The following PTPRZ1 variants were observed in gnomAD, a reference collection of about 807,000 sequenced individuals.
The protein encoded by PTPRZ1 is protein tyrosine phosphatase receptor type Z1.
PTPRZ1 carries 82 observed loss-of-function variants against 214.1 expected under a neutral mutation model. The observed-to-expected ratio is 0.38, with a 90% CI of 0.32 to 0.46. The LOEUF is 0.46. PTPRZ1 is among the 20% of genes least tolerant of loss of function. PTPRZ1 has a pLI of 1.00. For synonymous variants in PTPRZ1, 945 were observed against 987.9 expected, an observed-to-expected ratio of 0.96 and a Z score of 0.81; for missense variants, 2,603 against 2,748.7, an observed-to-expected ratio of 0.95 and a Z score of 1.19.
intron 1 of PTPRZ1, 143 bp downstream of exon 1, chr7:121,873,700 C>A (rs1793958358): frequency 2.0e-6 from 2 of 1,012,400 alleles, no homozygotes; most frequent in Admixed American, 2.1e-5. Context: ...TCCCACGGAG[C>A]GGGCGGCCGC....
At chr7:122,038,307 C>G (rs553186199) in intron 18 of PTPRZ1, among the ~76,000 whole-genome samples, 1 of 152,036 alleles carries the variant, frequency 6.6e-6, no homozygotes, top group Non-Finnish European at 1.5e-5. Flanking sequence ...CTTCTCAGCA[C>G]GTTGAAGTAG....
At chr7:122,031,423 G>A (rs374236623) in intron 14 of PTPRZ1, 51 bp from the exon 15 acceptor site, 32 of 1,311,942 alleles carry the variant, frequency 2.4e-5, no homozygotes, top group African/African-American at 5.8e-5. Context: ...TGATAGGTAC[G>A]TTTATTTCTG....
In PTPRZ1 at chr7:122,051,375, A is replaced by G. The variant is rs1792178350; in HGVS notation, c.6085-53A>G. ...TCTGTATGTATGTGTGTGTGTGTGT[A>G]TTTGGGGGACTTAAATGAAATAACC... On this transcript the variant is annotated intron_variant, in intron 23 of 29. Transcript: ENST00000393386. The G allele has an allele frequency of 4.7e-6, 6 of 1,282,082 alleles. No individual in the cohort carries two copies. In the South Asian group the frequency reaches 6.1e-5, roughly 13 times the overall value. 79.4% of individuals were successfully genotyped at this position (1,282,082 alleles called of 1,614,324 possible).
intron 1 of PTPRZ1, among the ~76,000 whole-genome samples, chr7:121,889,791 C>G (rs528880757): frequency 6.6e-6 from 1 of 152,258 alleles, no homozygotes; most frequent in South Asian, 2.1e-4. Flanking sequence ...TCACCAGTGC[C>G]TTTGACGTTG....
chr7:122,009,810 A>C (rs555374005), intron 11 of PTPRZ1, among the ~76,000 whole-genome samples: 29 of 152,242 alleles, frequency 1.9e-4, no homozygotes, highest in Non-Finnish European at 3.5e-4. Flanking sequence ...AAAGAAAACC[A>C]AACACCTCTT....
chr7:122,010,193 G>A (rs1309853419), intron 11 of PTPRZ1, 141 bp from the exon 12 acceptor site: 1 of 753,582 alleles, frequency 1.3e-6, no homozygotes, highest in Non-Finnish European at 2.1e-6. Flanking sequence ...TAGGTTAGAG[G>A]TATGCATTGT....
intron 2 of PTPRZ1, among the ~76,000 whole-genome samples, chr7:121,931,409 G>C (rs183196220): frequency 3.4e-4 from 51 of 152,224 alleles, no homozygotes; most frequent in African/African-American, 1.1e-3. Flanking sequence ...TACCAAGTAT[G>C]TATGAGTAAA....
rs76936460 is a variant in PTPRZ1 at position 121,946,826 on chromosome 7, C to T, written c.124+18605C>T. Among the ~76,000 whole-genome samples, 941 of 152,132 alleles carry T rather than the reference C, an allele frequency of 6.2e-3. 8 individuals carry two copies. The highest frequency in any genetic ancestry group is 0.021 in the African/African-American group (868 of 41,522). On this transcript the variant is annotated intron_variant, in intron 2 of 29. Transcript: ENST00000393386. The stretch of plus-strand genomic sequence containing the variant: ...GAAGAAAAGAGCATATTTTTTGTGA[C>T]GTTTCTAATAAAAATGCATAACCTG...
intron 5 of PTPRZ1, 109 bp from the exon 6 acceptor site, chr7:121,976,676 T>C (rs1797445390): frequency 2.3e-6 from 2 of 884,628 alleles, no homozygotes; most frequent in Non-Finnish European, 3.3e-6. Context: ...TGGAACTTAC[T>C]ATTTTTTAAT....
chr7:121,915,281 C>T (rs1242002575), intron 1 of PTPRZ1, among the ~76,000 whole-genome samples: 1 of 152,176 alleles, frequency 6.6e-6, no homozygotes, highest in Non-Finnish European at 1.5e-5. Flanking sequence ...TGCATAGCCT[C>T]AAGGGGTCTG....
intron 13 of PTPRZ1, among the ~76,000 whole-genome samples, chr7:122,026,860 C>T (rs1391345811): frequency 6.6e-6 from 1 of 152,114 alleles, no homozygotes; most frequent in Non-Finnish European, 1.5e-5. Flanking sequence ...TTACACCACT[C>T]CTACTTATAG....
At position 122,013,021 on chromosome 7, in the gene PTPRZ1, A is replaced by G; in HGVS notation, c.3975A>G (p.Thr1325=). ...TATCAATTGATGAACCATTAAATAC[A>G]CTAATAAATAAGCTTATACATTCCG... ...PVLSIDEPLN[T]LINKLIHSDE... is the part of the protein sequence containing the mutation. The change falls in exon 12 of 30, where the codon ACA becomes ACG. Residue 1325 remains threonine (T), a synonymous_variant. Coordinates refer to ENST00000393386, the MANE Select transcript of PTPRZ1 (RefSeq NM_002851.3). 1 of 1,614,134 alleles carries G rather than the reference A, an allele frequency of 6.2e-7. No homozygotes were observed. Among genetic ancestry groups the G allele is most frequent in the Non-Finnish European group, 8.5e-7 (1 of 1,179,940 alleles).
intron 2 of PTPRZ1, among the ~76,000 whole-genome samples, chr7:121,958,123 T>C (rs531361921): frequency 5.6e-4 from 85 of 152,294 alleles, no homozygotes; most frequent in South Asian, 1.0e-3. Flanking sequence ...CCTTCTTTCG[T>C]TCACAGCAAA....
chr7:121,885,882 G>C (rs1337225974), intron 1 of PTPRZ1, among the ~76,000 whole-genome samples: 1 of 152,082 alleles, frequency 6.6e-6, no homozygotes, highest in African/African-American at 2.4e-5. Flanking sequence ...AGACTTGATG[G>C]CATTCAGGCA....
intron 27 of PTPRZ1, among the ~76,000 whole-genome samples, chr7:122,057,868 C>G (rs947178062): frequency 6.6e-6 from 1 of 151,268 alleles, no homozygotes; most frequent in Non-Finnish European, 1.5e-5. Flanking sequence ...GACAAGGGTT[C>G]GGTTTCATTA....
Position 121,972,641 on chromosome 7 carries a change from GT to G in PTPRZ1, c.406del (p.Ser136HisfsTer9). ...CTTTTCACTGGGGAAAATGCAATAT[GT>G]CATCTGATGGATCAGAGCATAGTTT... ...ITFHWGKCNM[S>X]SDGSEHSLEG... On this transcript the variant is annotated frameshift_variant, in exon 4 of 30. Coordinates refer to ENST00000393386, the MANE Select transcript of PTPRZ1 (RefSeq NM_002851.3). LOFTEE classifies it high-confidence loss of function. 1 of 1,613,464 alleles carries G rather than the reference GT, an allele frequency of 6.2e-7. No homozygotes were observed. The highest frequency in any genetic ancestry group is 1.1e-5 in the South Asian group (1 of 90,980).
Position 122,059,795 on chromosome 7 carries a change from C to A in PTPRZ1, c.6714C>A (p.Thr2238=), listed in dbSNP as rs1053218112. 1 of 1,613,222 alleles carries A rather than the reference C, an allele frequency of 6.2e-7. No individual in the cohort carries two copies. The highest frequency in any genetic ancestry group is 1.3e-5 in the African/African-American group (1 of 74,856). Residue 2238 remains threonine, a synonymous_variant, in exon 29 of 30, where the codon ACC becomes ACA. Coordinates refer to ENST00000393386, the MANE Select transcript of PTPRZ1 (RefSeq NM_002851.3). ...VTAGTFCALT[T]LMHQLEKENS... ...CAGGAACTTTCTGTGCTCTGACAAC[C>A]CTTATGCACCAACTAGAAAAAGAAA...
chr7:121,933,477 T>A (rs1293041980), intron 2 of PTPRZ1, among the ~76,000 whole-genome samples: 2 of 152,174 alleles, frequency 1.3e-5, no homozygotes, highest in African/African-American at 4.8e-5. Flanking sequence ...CTTAACACCT[T>A]TAAAATTTTA....
intron 1 of PTPRZ1, among the ~76,000 whole-genome samples, chr7:121,913,411 A>G (rs1795334085): frequency 6.6e-6 from 1 of 152,234 alleles, no homozygotes; most frequent in African/African-American, 2.4e-5. Context: ...ACTGAGCCAT[A>G]ATATGAAATA....
Sources: allele counts gnomAD v4.1 joint callset (sites outside exome capture counted in the v4.1 genomes callset), GRCh38; gene constraint gnomAD v4.1.1; transcripts MANE v1.5; gene names NCBI Gene and HGNC (gene_info 2026-07-23, HGNC 2026-07-21).